PLCG1: variants seen among roughly 807,000 people sequenced by gnomAD.
PLCG1 encodes phospholipase C gamma 1, also known as 1-phosphatidylinositol 4,5-bisphosphate phosphodiesterase gamma-1.
Under a neutral mutation model 177.8 loss-of-function variants are expected in PLCG1, and 71 were observed. The ratio of observed to expected loss-of-function variants is 0.40; its 90% CI spans 0.33 to 0.49. The LOEUF is 0.49. Among genes scored for constraint, PLCG1 ranks in the 20% least tolerant of loss-of-function variants. PLCG1 has a pLI of 0.72. For synonymous variants in PLCG1, 658 were observed against 647.9 expected (o/e 1.02, Z -0.24); for missense variants, 1,281 against 1,709.0 (o/e 0.75, Z 4.42).
chr20:41,154,191 C>T (rs576144088), intron 1 of PLCG1, among the ~76,000 whole-genome samples: 2 of 152,350 alleles, frequency 1.3e-5, no homozygotes, highest in East Asian at 3.9e-4. Context: ...TAATACCTCT[C>T]TACACCCTTT....
rs772161835 is a variant in PLCG1 at position 41,166,651 on chromosome 20, C to G, written c.2121-28C>G. 6.2e-7 allele frequency: 1 copy of G among 1,614,054 alleles called. No homozygotes were observed. Among genetic ancestry groups the G allele is most frequent in the Non-Finnish European group, 8.5e-7 (1 of 1,179,984 alleles). ...TTGCTTGGGTCTGAGCTGCCCTGACCCTGTGTGACTGTTTTGTCCTTGTGA... is the reference window on the plus strand; with the variant it reads ...TTGCTTGGGTCTGAGCTGCCCTGACGCTGTGTGACTGTTTTGTCCTTGTGA... On this transcript the variant is annotated intron_variant, in intron 18 of 31. Transcript: ENST00000685551. This position sits in a 1 kb window ranked among gnomAD's most constrained non-coding sequence, Gnocchi z 8.6.
In PLCG1 at chr20:41,159,313, T is replaced by C. The variant is rs2035419058; in HGVS notation, c.218-293T>C. Among the ~76,000 whole-genome samples, 1 of 152,140 alleles carries C rather than the reference T, an allele frequency of 6.6e-6. No individual in the cohort carries two copies. Among genetic ancestry groups the C allele is most frequent in the South Asian group, 2.1e-4 (1 of 4,824 alleles). On this transcript the variant is annotated intron_variant, in intron 1 of 31. Transcript: ENST00000685551. The surrounding 1 kb of genome is among the most constrained non-coding windows in gnomAD (Gnocchi z 6.0). ...CCTATTTCTTCTTCTGGAGTCTAGC[T>C]CTTTTGCAGGTCAAAATGTCTCAGT...
chr20:41,169,762 G>A lies in PLCG1; in HGVS notation c.2650+236G>A, dbSNP rs1223803189. 2.2e-5 allele frequency: 13 copies of A among 579,086 alleles called. No individual in the cohort carries two copies. In the South Asian group the frequency reaches 2.8e-4, roughly 13 times the overall value. The allele number at this position is 579,086 out of a possible 1,614,324, so 35.9% of individuals were successfully genotyped here. On this transcript the variant is annotated intron_variant, in intron 23 of 31. Coordinates refer to ENST00000685551, the MANE Select transcript of PLCG1 (RefSeq NM_002660.3). ...ACTGGGGAACCCGTCAGAATCAGCA[G>A]AACAAAGTTGATGCTGCTGGTTGGC...
In PLCG1 at chr20:41,144,475, C is replaced by T. The variant is rs1186926634; in HGVS notation, c.217+6617C>T. Among the ~76,000 whole-genome samples the T allele has an allele frequency of 6.6e-6, 1 of 152,160 alleles. No homozygotes were observed. Among genetic ancestry groups the T allele is most frequent in the Non-Finnish European group, 1.5e-5 (1 of 68,030 alleles). ...CTCATCCTTGCCACAACACCGGTGT[C>T]GAGATGCTTGGCCCACCCAGACCTT... On this transcript the variant is annotated intron_variant, in intron 1 of 31. Transcript: ENST00000685551. This position sits in a 1 kb window ranked among gnomAD's most constrained non-coding sequence, Gnocchi z 4.1.
intron 21 of PLCG1, 99 bp from the exon 22 acceptor site, chr20:41,168,980 C>A (rs2035799285): frequency 2.5e-6 from 3 of 1,184,944 alleles, no homozygotes; most frequent in Admixed American, 3.4e-5. Flanking sequence ...GCAGTGCCTG[C>A]CTCACCCTGG....
chr20:41,165,269 G>A lies in PLCG1; in HGVS notation c.1411G>A (p.Ala471Thr). ...GCACAAGAAGCTGGCTGAGGGCAGT[G>A]CCTACGAGGAGGTGCCTACATCCAT... is the stretch of plus-strand genomic sequence containing the variant. ...IKHKKLAEGS[A>T]YEEVPTSMMY... The change falls in exon 14 of 32, where the codon GCC becomes ACC. Residue 471 changes from alanine to threonine, a missense_variant. Coordinates refer to ENST00000685551, the MANE Select transcript of PLCG1 (RefSeq NM_002660.3). This position sits in a 1 kb window ranked among gnomAD's most constrained non-coding sequence, Gnocchi z 6.6. 1 of 1,614,106 alleles carries A rather than the reference G, an allele frequency of 6.2e-7. No homozygotes were observed. Among genetic ancestry groups the A allele is most frequent in the Non-Finnish European group, 8.5e-7 (1 of 1,179,994 alleles).
In PLCG1 at chr20:41,174,648, A is replaced by G. The variant is rs1029362731; in HGVS notation, c.*139A>G. 3 of 728,918 alleles carry G rather than the reference A, an allele frequency of 4.1e-6. No homozygotes were observed. Among genetic ancestry groups the G allele is most frequent in the Non-Finnish European group, 7.1e-6 (3 of 420,994 alleles). 45.2% of individuals were successfully genotyped at this position (728,918 alleles called of 1,614,324 possible). A position where few individuals can be genotyped will look rare whatever the true frequency, so the allele number is the denominator to read the frequency against. ...AGCCTGGATTCCAGCAGTGAATGCT[A>G]GACAGAAACCAAGCCATTAATGAGA... On this transcript the variant is annotated 3_prime_UTR_variant, in exon 32 of 32. Coordinates refer to ENST00000685551, the MANE Select transcript of PLCG1 (RefSeq NM_002660.3). This position sits in a 1 kb window ranked among gnomAD's most constrained non-coding sequence, Gnocchi z 5.8.
In PLCG1 at chr20:41,153,062, G is replaced by T. The variant is rs1003502671; in HGVS notation, c.218-6544G>T. ...GGGGTTCTGGGGTCCACAGGCCACA[G>T]GTGGGGGTAGTAAAAACCCCCAGAA... On this transcript the variant is annotated intron_variant, in intron 1 of 31. Coordinates refer to ENST00000685551, the MANE Select transcript of PLCG1 (RefSeq NM_002660.3). This position sits in a 1 kb window ranked among gnomAD's most constrained non-coding sequence, Gnocchi z 5.1. Among the ~76,000 whole-genome samples the T allele has an allele frequency of 1.3e-4, 20 of 152,310 alleles. No homozygotes were observed. Among genetic ancestry groups the T allele is most frequent in the Admixed American group, 7.2e-4 (11 of 15,304 alleles).
In PLCG1 at chr20:41,165,839, A is replaced by G. The variant is rs778731536; in HGVS notation, c.1799+13A>G. The G allele has an allele frequency of 1.6e-5, 25 of 1,559,216 alleles. No individual in the cohort carries two copies. The highest frequency in any genetic ancestry group is 4.7e-5 in the South Asian group (4 of 84,882). ...CGCTCTCTTTCTGGTAACACTTCCCATGCAGATGCGTATGTTCAGTCAGCG... is the reference window on the plus strand; with the variant it reads ...CGCTCTCTTTCTGGTAACACTTCCCGTGCAGATGCGTATGTTCAGTCAGCG... On this transcript the variant is annotated intron_variant, in intron 16 of 31. Coordinates refer to ENST00000685551, the MANE Select transcript of PLCG1 (RefSeq NM_002660.3). This position sits in a 1 kb window ranked among gnomAD's most constrained non-coding sequence, Gnocchi z 6.6.
At chr20:41,142,213 C>G (rs2034853090) in intron 1 of PLCG1, among the ~76,000 whole-genome samples, 1 of 152,170 alleles carries the variant, frequency 6.6e-6, no homozygotes, top group Admixed American at 6.5e-5. Flanking sequence ...TTGAGGTAGG[C>G]CTTGAATTAC....
rs1268910258 is a variant in PLCG1 at position 41,177,458 on chromosome 20, A to G, written c.*2949A>G. 2 of 152,200 alleles carry G rather than the reference A, an allele frequency of 1.3e-5. No individual in the cohort carries two copies. Among genetic ancestry groups the G allele is most frequent in the Non-Finnish European group, 2.9e-5 (2 of 68,036 alleles). The allele number at this position is 152,200 out of a possible 1,614,324, so 9.4% of individuals were successfully genotyped here. The stretch of plus-strand genomic sequence containing the variant: ...AACATCACCTGAGAGCTTGAACATC[A>G]CTAAGGACCTAGACACTCACTTGTC... On this transcript the variant is annotated 3_prime_UTR_variant, in exon 32 of 32. Transcript: ENST00000685551.
rs2035982693 is a variant in PLCG1 at position 41,173,957 on chromosome 20, T to C, written c.3591T>C (p.Ser1197=). 6.2e-7 allele frequency: 1 copy of C among 1,614,106 alleles called. No homozygotes were observed. ...YRAVPLKNNY[S]EDLELASLLI... is the part of the protein sequence containing the mutation. ...CAGTGCCTTTGAAGAACAACTACAG[T>C]GAGGACCTGGAGTTGGCCTCCCTGC... The change falls in exon 30 of 32, where the codon AGT becomes AGC. Residue 1197 remains serine (S), a synonymous_variant. Transcript: ENST00000685551. The surrounding 1 kb of genome is among the most constrained non-coding windows in gnomAD (Gnocchi z 6.2).
rs1050453613 is a variant in PLCG1, at chr20:41,156,726, C to T, written c.218-2880C>T. Among the ~76,000 whole-genome samples, 4 of 152,228 alleles carry T rather than the reference C, an allele frequency of 2.6e-5. No homozygotes were observed. Among genetic ancestry groups the T allele is most frequent in the African/African-American group, 9.6e-5 (4 of 41,456 alleles). ...TACTCCCCTAAGTAGTTCTCCCCTT[C>T]TCAAGCTCCTAAGTTCTGGGAAGGT... On this transcript the variant is annotated intron_variant, in intron 1 of 31. Coordinates refer to ENST00000685551, the MANE Select transcript of PLCG1 (RefSeq NM_002660.3). The surrounding 1 kb of genome is among the most constrained non-coding windows in gnomAD (Gnocchi z 5.0).
intron 6 of PLCG1, 93 bp downstream of exon 6, chr20:41,162,818 G>T (rs1568743910): frequency 1.5e-6 from 2 of 1,345,022 alleles, no homozygotes; most frequent in Non-Finnish European, 2.1e-6. Context: ...GCCCTGCTTA[G>T]GGGCTTTTGG....
chr20:41,173,985 A>T lies in PLCG1; in HGVS notation c.3619A>T (p.Ile1207Phe). 1 of 1,614,094 alleles carries T rather than the reference A, an allele frequency of 6.2e-7. No individual in the cohort carries two copies. Among genetic ancestry groups the T allele is most frequent in the Non-Finnish European group, 8.5e-7 (1 of 1,179,996 alleles). The change falls in exon 30 of 32, where the codon ATC becomes TTC. Residue 1207 changes from isoleucine to phenylalanine, a missense_variant. Coordinates refer to ENST00000685551, the MANE Select transcript of PLCG1 (RefSeq NM_002660.3). This position sits in a 1 kb window ranked among gnomAD's most constrained non-coding sequence, Gnocchi z 6.2. Reference sequence around the variant, plus strand: ...GGACCTGGAGTTGGCCTCCCTGCTGATCAAGATTGACATTTTCCCTGCCAA... The same window carrying T: ...GGACCTGGAGTTGGCCTCCCTGCTGTTCAAGATTGACATTTTCCCTGCCAA... ...SEDLELASLL[I>F]KIDIFPAKQE...
chr20:41,142,961 C>T (rs922492598), intron 1 of PLCG1, among the ~76,000 whole-genome samples: 5 of 152,144 alleles, frequency 3.3e-5, no homozygotes, highest in African/African-American at 1.2e-4. Context: ...GCCTGGCCAC[C>T]AAGCCCTTTG....
At chr20:41,139,579 G>T (rs754377989) in intron 1 of PLCG1, among the ~76,000 whole-genome samples, 1 of 152,180 alleles carries the variant, frequency 6.6e-6, no homozygotes, top group Non-Finnish European at 1.5e-5. Flanking sequence ...TTCCTCATGT[G>T]TAAAATGGGG....
Position 41,172,871 on chromosome 20 carries a change from T to C in PLCG1, c.3273T>C (p.Ser1091=). Residue 1091 remains serine, a synonymous_variant, in exon 27 of 32, where the codon TCT becomes TCC. Transcript: ENST00000685551. The surrounding 1 kb of genome is among the most constrained non-coding windows in gnomAD (Gnocchi z 7.0). ...SLRGLEPCAI[S]IEVLGARHLP... is the part of the protein sequence containing the mutation. ...GCGGGCTGGAGCCATGTGCCATCTC[T>C]ATTGAGGTGGGTGCTGCTCATCTGG... The C allele has an allele frequency of 6.2e-7, 1 of 1,613,892 alleles. No homozygotes were observed. Among genetic ancestry groups the C allele is most frequent in the East Asian group, 2.2e-5 (1 of 44,870 alleles).
At position 41,176,446 on chromosome 20, in the gene PLCG1, C is replaced by T. The variant is rs928591265; in HGVS notation, c.*1937C>T. ...TGGCCTGGAGAGAAAGGTTTCCTAT[C>T]AGAGAAGGAAGAGGACTGTGTAGGC... On this transcript the variant is annotated 3_prime_UTR_variant, in exon 32 of 32. Transcript: ENST00000685551. 2 of 152,178 alleles carry T rather than the reference C, an allele frequency of 1.3e-5. No individual in the cohort carries two copies. The highest frequency in any genetic ancestry group is 2.9e-5 in the Non-Finnish European group (2 of 68,030). The allele number at this position is 152,178 out of a possible 1,614,324, so 9.4% of individuals were successfully genotyped here.
Sources: allele counts gnomAD v4.1 joint callset (sites outside exome capture counted in the v4.1 genomes callset), GRCh38; gene constraint gnomAD v4.1.1; non-coding constraint Gnocchi (gnomAD v3.1); transcripts MANE v1.5; gene names NCBI Gene and HGNC (gene_info 2026-07-23, HGNC 2026-07-21).